Variants in CADPS2 observed in about 807,000 individuals in gnomAD.
CADPS2 encodes the protein calcium dependent secretion activator 2, also known as calcium-dependent secretion activator 2.
CADPS2 carries 93 observed loss-of-function variants against 172.5 expected under a neutral mutation model. The ratio of observed to expected loss-of-function variants is 0.54; its 90% CI spans 0.46 to 0.64. The LOEUF (loss-of-function observed/expected upper bound fraction) is 0.64, where lower values mean the gene tolerates loss of function less well. Among genes scored for constraint, CADPS2 ranks in the 30% least tolerant of loss-of-function variants. The pLI, the probability that CADPS2 is intolerant of heterozygous loss-of-function variation, is 0.00. For synonymous variants in CADPS2, 546 were observed against 555.2 expected (o/e 0.98, Z 0.23); for missense variants, 1,420 against 1,565.9 (o/e 0.91, Z 1.57).
intron 17 of CADPS2, chr7:122,424,449 C>CA: frequency 3.0e-6 from 1 of 332,234 alleles, no homozygotes; most frequent in Non-Finnish European, 4.3e-6. Flanking sequence ...GAGCAGTCTC[C>CA]ATAAGCCAAC....
chr7:122,533,498 C>T (rs920423932), intron 8 of CADPS2, among the ~76,000 whole-genome samples: 2 of 152,120 alleles, frequency 1.3e-5, no homozygotes, highest in Admixed American at 6.6e-5. Flanking sequence ...CACTGCTTAA[C>T]GGAAGGACAG....
intron 9 of CADPS2, among the ~76,000 whole-genome samples, chr7:122,494,882 T>G (rs1330452746): frequency 2.2e-5 from 3 of 136,748 alleles, no homozygotes; most frequent in Non-Finnish European, 4.7e-5. Context: ...CCCATAAGGG[T>G]TTTTTTTTTT....
At chr7:122,427,423 G>A (rs2049309478) in intron 17 of CADPS2, 1 of 152,054 alleles carries the variant, frequency 6.6e-6, no homozygotes, top group African/African-American at 2.4e-5. Flanking sequence ...AATAACCATT[G>A]GGGATAATTA....
intron 6 of CADPS2, among the ~76,000 whole-genome samples, chr7:122,611,957 T>C (rs1377576541): frequency 6.6e-6 from 1 of 151,638 alleles, no homozygotes. Context: ...AAAGACAAAA[T>C]CCACATGATC....
At chr7:122,848,583 T>C (rs545108005) in intron 1 of CADPS2, among the ~76,000 whole-genome samples, 1 of 152,332 alleles carries the variant, frequency 6.6e-6, no homozygotes, top group Admixed American at 6.5e-5. Flanking sequence ...GATCAGATAC[T>C]AGAAAGAGGC....
At chr7:122,573,983 T>C (rs2132604378) in intron 7 of CADPS2, among the ~76,000 whole-genome samples, 1 of 152,244 alleles carries the variant, frequency 6.6e-6, no homozygotes, top group African/African-American at 2.4e-5. Flanking sequence ...CATACACACT[T>C]ACTGGAATAC....
chr7:122,369,138 C>T (rs2402609), intron 25 of CADPS2, among the ~76,000 whole-genome samples: 2 of 68,806 alleles, frequency 2.9e-5, no homozygotes, highest in Non-Finnish European at 5.8e-5. Flanking sequence ...CCCCCCCCCC[C>T]CCCCTTTTTT....
chr7:122,874,405 C>T (rs1043037666), intron 1 of CADPS2, among the ~76,000 whole-genome samples: 12 of 152,162 alleles, frequency 7.9e-5, no homozygotes, highest in African/African-American at 2.7e-4. Context: ...AATGGAAAAA[C>T]ATTCCATGCT....
intron 6 of CADPS2, among the ~76,000 whole-genome samples, chr7:122,604,198 A>T (rs1199861256): frequency 6.6e-6 from 1 of 152,146 alleles, no homozygotes. Context: ...TTACCAATTC[A>T]TACCAAGAGC....
intron 8 of CADPS2, among the ~76,000 whole-genome samples, chr7:122,551,716 T>C (rs2064328390): frequency 6.6e-6 from 1 of 152,140 alleles, no homozygotes; most frequent in South Asian, 2.1e-4. Context: ...GATAAATTAA[T>C]ATTTTTAAAA....
Position 122,690,618 on chromosome 7 carries a change from G to A in CADPS2, c.454-27049C>T, listed in dbSNP as rs117023978. On this transcript the variant is annotated intron_variant, in intron 2 of 29. Coordinates refer to ENST00000449022, the MANE Select transcript of CADPS2 (RefSeq NM_017954.11). Reference sequence around the variant, plus strand: ...AGATTATCTCTCATCCTCGTAACTGGTTGGAGAAGGTCATCCTTCCTCTCA... The same window carrying A: ...AGATTATCTCTCATCCTCGTAACTGATTGGAGAAGGTCATCCTTCCTCTCA... Among the ~76,000 whole-genome samples, 804 of 152,300 alleles carry A rather than the reference G, an allele frequency of 5.3e-3. 5 individuals are homozygous for A. The highest frequency in any genetic ancestry group is 0.014 in the Middle Eastern group (4 of 294).
chr7:122,551,971 C>T (rs2064360344), intron 8 of CADPS2, among the ~76,000 whole-genome samples: 2 of 152,046 alleles, frequency 1.3e-5, no homozygotes, highest in African/African-American at 4.8e-5. Context: ...TATAGCTATG[C>T]TGTAGGTGAA....
intron 28 of CADPS2, among the ~76,000 whole-genome samples, chr7:122,334,209 C>T (rs907430929): frequency 6.6e-6 from 1 of 152,142 alleles, no homozygotes; most frequent in Admixed American, 6.5e-5. Flanking sequence ...AATACACACA[C>T]ACACACACTC....
chr7:122,528,473 T>C (rs2061466844), intron 8 of CADPS2, among the ~76,000 whole-genome samples: 1 of 152,132 alleles, frequency 6.6e-6, no homozygotes, highest in Admixed American at 6.6e-5. Context: ...AATTCTAGAC[T>C]ACTACAAAAA....
chr7:122,818,372 C>G (rs562604478), intron 1 of CADPS2, among the ~76,000 whole-genome samples: 60 of 152,266 alleles, frequency 3.9e-4, no homozygotes, highest in African/African-American at 1.4e-3. Flanking sequence ...CCTGCAAGAT[C>G]TAAATAATTC....
chr7:122,738,854 A>G (rs1418960122), intron 1 of CADPS2, among the ~76,000 whole-genome samples: 305 of 49,880 alleles, frequency 6.1e-3, no homozygotes, highest in Middle Eastern at 0.037. Flanking sequence ...CCAGGGGGGG[A>G]AAAAAAAAAA....
chr7:122,833,513 T>C (rs35145747), intron 1 of CADPS2, among the ~76,000 whole-genome samples: 32,650 of 151,816 alleles, frequency 0.22, 3,761 homozygotes, highest in Middle Eastern at 0.31. Flanking sequence ...GCCCCCGTCC[T>C]CCCACCACAC....
At chr7:122,641,473 T>G (rs2077637382) in intron 3 of CADPS2, among the ~76,000 whole-genome samples, 1 of 152,164 alleles carries the variant, frequency 6.6e-6, no homozygotes, top group Admixed American at 6.5e-5. Flanking sequence ...GAGATGCATA[T>G]TTTTTTCCCT....
At chr7:122,394,164 CAT>C (rs1294939609) in intron 20 of CADPS2, among the ~76,000 whole-genome samples, 2 of 152,150 alleles carry the variant, frequency 1.3e-5, no homozygotes, top group Non-Finnish European at 2.9e-5. Flanking sequence ...AAAAACAGCA[CAT>C]GACCTGGATT....
Sources: gnomAD v4.1 joint callset for allele counts (sites outside exome capture counted in the v4.1 genomes callset) on GRCh38, gnomAD v4.1.1 for gene constraint, MANE v1.5 for transcripts, NCBI Gene and HGNC (gene_info 2026-07-23, HGNC 2026-07-21) for gene names.